Variants in RELN observed in about 807,000 individuals in gnomAD.
RELN encodes reelin.
A neutral mutation model predicts 427.6 loss-of-function variants in RELN; 108 were observed. The observed-to-expected ratio is 0.25, with a 90% CI of 0.22 to 0.30. The LOEUF (loss-of-function observed/expected upper bound fraction) is 0.30. Among genes scored for constraint, RELN ranks in the 10% least tolerant of loss-of-function variants. The probability of loss-of-function intolerance (pLI) is 1.00; values close to 1 mark genes in which losing one functional copy is unlikely to be tolerated. For synonymous variants in RELN, 1,524 were observed against 1,513.4 expected (o/e 1.01, Z -0.16); for missense variants, 3,715 against 4,302.8 (o/e 0.86, Z 3.82).
At chr7:103,767,699 G>C (rs1485152644) in intron 4 of RELN, among the ~76,000 whole-genome samples, 1 of 151,898 alleles carries the variant, frequency 6.6e-6, no homozygotes, top group African/African-American at 2.4e-5. Flanking sequence ...TCTTTGTTTT[G>C]GTCATCTCTA....
At chr7:103,803,736 T>C (rs549054600) in intron 3 of RELN, among the ~76,000 whole-genome samples, 5 of 152,236 alleles carry the variant, frequency 3.3e-5, no homozygotes, top group East Asian at 1.9e-4. Context: ...AAGATCATTA[T>C]AAGACTCTTG....
chr7:103,714,664 C>T lies in RELN; in HGVS notation c.805+8476G>A, dbSNP rs115149082. 3.2e-3 allele frequency among the ~76,000 whole-genome samples: 490 copies of T among 152,174 alleles called. 2 individuals are homozygous for T. The highest frequency in any genetic ancestry group is 0.011 in the African/African-American group (474 of 41,528). ...TCATGCTTTGTCGAAGTTCAGGGGC[C>T]GTAGCCAAAACAGCAGCAGTTTGAT... On this transcript the variant is annotated intron_variant, in intron 8 of 64. Coordinates refer to ENST00000428762, the MANE Select transcript of RELN (RefSeq NM_005045.4).
intron 11 of RELN, among the ~76,000 whole-genome samples, chr7:103,668,249 A>G (rs1833315625): frequency 6.6e-6 from 1 of 152,188 alleles, no homozygotes; most frequent in Non-Finnish European, 1.5e-5. Context: ...AAAAGGTATG[A>G]CATATAATTA....
chr7:103,797,198 G>T (rs146363998), intron 3 of RELN, among the ~76,000 whole-genome samples: 36 of 152,152 alleles, frequency 2.4e-4, no homozygotes, highest in Non-Finnish European at 3.8e-4. Flanking sequence ...GCCTCTGCAG[G>T]TTCAAGTGAT....
chr7:103,863,588 T>C (rs1178568338), intron 2 of RELN, among the ~76,000 whole-genome samples: 3 of 152,128 alleles, frequency 2.0e-5, no homozygotes, highest in Admixed American at 1.3e-4. Flanking sequence ...CACAGGACAC[T>C]AACCCTTAGA....
At chr7:103,912,138 T>A (rs1795381747) in intron 2 of RELN, among the ~76,000 whole-genome samples, 1 of 151,442 alleles carries the variant, frequency 6.6e-6, no homozygotes, top group African/African-American at 2.4e-5. Flanking sequence ...AAAGAAAAAA[T>A]TCCTACACCT....
intron 2 of RELN, among the ~76,000 whole-genome samples, chr7:103,849,191 T>A (rs1056248842): frequency 2.6e-5 from 4 of 152,242 alleles, no homozygotes; most frequent in Admixed American, 6.5e-5. Context: ...AAAGCAATGC[T>A]ATCATGTCTG....
chr7:103,565,727 T>C (rs1562894763), intron 33 of RELN, among the ~76,000 whole-genome samples, 176 bp from the exon 34 acceptor site: 2 of 152,302 alleles, frequency 1.3e-5, no homozygotes, highest in East Asian at 3.9e-4. Flanking sequence ...TACCATAGAT[T>C]TAGAAATATA....
chr7:103,491,469 CAT>C (rs1828647715), intron 58 of RELN, among the ~76,000 whole-genome samples: 1 of 151,862 alleles, frequency 6.6e-6, no homozygotes, highest in African/African-American at 2.4e-5. Context: ...GAAAATAAGA[CAT>C]ATGTATACAT....
At chr7:103,615,616 T>C (rs1832062265) in intron 20 of RELN, among the ~76,000 whole-genome samples, 1 of 152,178 alleles carries the variant, frequency 6.6e-6, no homozygotes, top group African/African-American at 2.4e-5. Flanking sequence ...CATTGTGTTA[T>C]GGAGAAGGAA....
chr7:103,483,325 A>C (rs1454184194), intron 62 of RELN, among the ~76,000 whole-genome samples: 1 of 152,234 alleles, frequency 6.6e-6, no homozygotes, highest in Admixed American at 6.5e-5. Flanking sequence ...GTAAAATTTC[A>C]AACTAGCACA....
chr7:103,774,803 T>C lies in RELN; in HGVS notation c.544+1754A>G, dbSNP rs141235348. The stretch of plus-strand genomic sequence containing the variant: ...TATTTTTCACTTTATCTTGGATAGA[T>C]TGATATAATTTCAATGAGTTAGATG... On this transcript the variant is annotated intron_variant, in intron 4 of 64. Transcript: ENST00000428762. Among the ~76,000 whole-genome samples, 632 of 152,330 alleles carry C rather than the reference T, an allele frequency of 4.1e-3. 19 individuals carry two copies. Among genetic ancestry groups the C allele is most frequent in the Admixed American group, 0.038 (582 of 15,292 alleles).
chr7:103,635,784 T>C (rs756731859), intron 18 of RELN, among the ~76,000 whole-genome samples, 198 bp from the exon 19 acceptor site: 10 of 152,218 alleles, frequency 6.6e-5, no homozygotes, highest in Non-Finnish European at 8.8e-5. Flanking sequence ...TACAGATAGA[T>C]CCATAAAAAT....
chr7:103,565,581 T>A (rs377547766), intron 33 of RELN, 30 bp from the exon 34 acceptor site: 1 of 1,604,566 alleles, frequency 6.2e-7, no homozygotes, highest in East Asian at 2.2e-5. Flanking sequence ...AATGGTAGCA[T>A]ATATGTGTGC....
chr7:103,668,716 G>A (rs1425233597), intron 11 of RELN, among the ~76,000 whole-genome samples: 1 of 152,134 alleles, frequency 6.6e-6, no homozygotes. Context: ...TAATAGTATT[G>A]CATCATTCGC....
chr7:103,758,978 T>C (rs530684247), intron 4 of RELN, among the ~76,000 whole-genome samples: 2 of 152,028 alleles, frequency 1.3e-5, no homozygotes, highest in Non-Finnish European at 2.9e-5. Context: ...AGATTACATA[T>C]GTATTTTACT....
chr7:103,933,751 G>T lies in RELN; in HGVS notation c.227-16566C>A, dbSNP rs959207692. ...CCAGTGGGGCTTGCAACACTCCCTG[G>T]GCCCCAAAGTTTCCAGAGGCTGGAA... On this transcript the variant is annotated intron_variant, in intron 1 of 64. Transcript: ENST00000428762. 3.7e-4 allele frequency among the ~76,000 whole-genome samples: 56 copies of T among 152,144 alleles called. 1 individual carries two copies. Among genetic ancestry groups the T allele is most frequent in the African/African-American group, 1.3e-3 (55 of 41,528 alleles).
In RELN at chr7:103,909,768, TTA is replaced by T. The variant is rs1455468592; in HGVS notation, c.337+7305_337+7306del. ...AAATATATATATTAAATATATATAT[TTA>T]ATATATATAAATATATATATTAAAT... On this transcript the variant is annotated intron_variant, in intron 2 of 64. Coordinates refer to ENST00000428762, the MANE Select transcript of RELN (RefSeq NM_005045.4). Among the ~76,000 whole-genome samples the T allele has an allele frequency of 3.1e-3, 268 of 85,642 alleles. 78 individuals are homozygous for T. The highest frequency in any genetic ancestry group is 0.018 in the African/African-American group (258 of 14,222). 56.2% of individuals were successfully genotyped at this position (85,642 alleles called of 152,430 possible).
intron 2 of RELN, among the ~76,000 whole-genome samples, chr7:103,870,272 A>G (rs1794298675): frequency 6.6e-6 from 1 of 151,914 alleles, no homozygotes; most frequent in Non-Finnish European, 1.5e-5. Context: ...TTTTTTCTTG[A>G]TGATGGCTCC....
Sources: gnomAD v4.1 joint callset for allele counts (sites outside exome capture counted in the v4.1 genomes callset) on GRCh38, gnomAD v4.1.1 for gene constraint, MANE v1.5 for transcripts, NCBI Gene and HGNC (gene_info 2026-07-23, HGNC 2026-07-21) for gene names.